Variants in PLAGL1 observed in about 807,000 individuals in gnomAD.
The protein encoded by PLAGL1 is PLAG1 like zinc finger 1.
A neutral mutation model predicts 4.6 loss-of-function variants in PLAGL1; 1 was observed. That is an observed-to-expected ratio of 0.22 (90% confidence interval 0.08 to 1.03). The LOEUF (loss-of-function observed/expected upper bound fraction) is 1.03, where lower values mean the gene tolerates loss of function less well. Ranked by LOEUF, PLAGL1 falls within the 50% of genes least tolerant of loss-of-function variation. The pLI, the probability that PLAGL1 is intolerant of heterozygous loss-of-function variation, is 0.58. For synonymous variants in PLAGL1, 240 were observed against 237.8 expected (o/e 1.01, Z -0.08); for missense variants, 464 against 570.4 (o/e 0.81, Z 1.90).
In PLAGL1 at chr6:143,949,558, G is replaced by T. The variant is rs941314117; in HGVS notation, c.-324-1098C>A. Reference sequence around the variant, plus strand: ...AATCGGCCTCTACCTGCCACTACCTGCCAGGGTAAAGCCCTGGATCACTAC... The same window carrying T: ...AATCGGCCTCTACCTGCCACTACCTTCCAGGGTAAAGCCCTGGATCACTAC... On this transcript the variant is annotated intron_variant, in intron 6 of 7. Coordinates refer to ENST00000674357, the MANE Select transcript of PLAGL1 (RefSeq NM_001317162.2). The surrounding 1 kb of genome is among the most constrained non-coding windows in gnomAD (Gnocchi z 5.3). 6.6e-6 allele frequency among the ~76,000 whole-genome samples: 1 copy of T among 152,184 alleles called. No individual in the cohort carries two copies. The highest frequency in any genetic ancestry group is 1.5e-5 in the Non-Finnish European group (1 of 68,032).
chr6:144,052,864 G>C (rs773851516), intron 1 of PLAGL1, among the ~76,000 whole-genome samples: 9 of 152,116 alleles, frequency 5.9e-5, no homozygotes, highest in Non-Finnish European at 8.8e-5. Flanking sequence ...CAGGATATAT[G>C]CAACATTGGT....
chr6:144,014,560 A>C (rs1246840341), intron 1 of PLAGL1, among the ~76,000 whole-genome samples: 1 of 152,148 alleles, frequency 6.6e-6, no homozygotes, highest in African/African-American at 2.4e-5. Context: ...ATAGACCCAC[A>C]CATAAGATCT....
In PLAGL1 at chr6:144,056,517, C is replaced by A. The variant is rs1488744645; in HGVS notation, c.-151+7951G>T. Among the ~76,000 whole-genome samples, 1 of 152,220 alleles carries A rather than the reference C, an allele frequency of 6.6e-6. No homozygotes were observed. Among genetic ancestry groups the A allele is most frequent in the African/African-American group, 2.4e-5 (1 of 41,462 alleles). ...ACCCTCTTTCACCCCTAGCCCTTGA[C>A]AGCCACTGATCTTTTTATTGCCTCC... On this transcript the variant is annotated intron_variant, in intron 1 of 3. Coordinates refer to the PLAGL1 transcript ENST00000437412. This position sits in a 1 kb window ranked among gnomAD's most constrained non-coding sequence, Gnocchi z 4.7.
rs3060705 is a variant in PLAGL1, at chr6:143,948,764, AAACAACAACAAC to A, written c.-324-316_-324-305del. Among the ~76,000 whole-genome samples, 1 of 107,184 alleles carries A rather than the reference AAACAACAACAAC, an allele frequency of 9.3e-6. No individual in the cohort carries two copies. Among genetic ancestry groups the A allele is most frequent in the East Asian group, 2.5e-4 (1 of 4,018 alleles). The allele number at this position is 107,184 out of a possible 152,430, so 70.3% of individuals were successfully genotyped here. ...GTGAAGCTCCATTGACCAAAGAGAA[AAACAACAACAAC>A]AACAACAACAACAACAAACAAAAAC... is the stretch of plus-strand genomic sequence containing the variant. On this transcript the variant is annotated intron_variant, in intron 6 of 7. Transcript: ENST00000674357. The surrounding 1 kb of genome is among the most constrained non-coding windows in gnomAD (Gnocchi z 6.0).
intron 1 of PLAGL1, among the ~76,000 whole-genome samples, chr6:144,002,846 G>A (rs1408922529): frequency 2.0e-5 from 3 of 147,060 alleles, no homozygotes; most frequent in Non-Finnish European, 4.5e-5. Context: ...AAGTTGCTCT[G>A]TAGAGTCAAT....
rs1260318330 is a variant in PLAGL1 at position 143,990,051 on chromosome 6, T to C, written c.-583-4877A>G. On this transcript the variant is annotated intron_variant, in intron 1 of 7. Transcript: ENST00000674357. The surrounding 1 kb of genome is among the most constrained non-coding windows in gnomAD (Gnocchi z 5.4). The stretch of plus-strand genomic sequence containing the variant: ...CCACCTCTCTATTCAAAATTTCTTA[T>C]ACATTATCTTCTCCCTTTTTACTAA... 6.6e-6 allele frequency among the ~76,000 whole-genome samples: 1 copy of C among 152,180 alleles called. No individual in the cohort carries two copies. The highest frequency in any genetic ancestry group is 1.5e-5 in the Non-Finnish European group (1 of 68,024).
chr6:144,005,181 A>G lies in PLAGL1; in HGVS notation c.-584+2909T>C, dbSNP rs1793896860. The G allele has an allele frequency of 6.6e-6, 1 of 152,154 alleles. No individual in the cohort carries two copies. Among genetic ancestry groups the G allele is most frequent in the African/African-American group, 2.4e-5 (1 of 41,442 alleles). The allele number at this position is 152,154 out of a possible 1,614,324, so 9.4% of individuals were successfully genotyped here. ...TTGACACGTATGCTAACTACAGTGC[A>G]AATTAGAAATCAGTAACAAAAGGAT... On this transcript the variant is annotated intron_variant, in intron 1 of 7. Coordinates refer to ENST00000674357, the MANE Select transcript of PLAGL1 (RefSeq NM_001317162.2). The surrounding 1 kb of genome is among the most constrained non-coding windows in gnomAD (Gnocchi z 4.6).
intron 6 of PLAGL1, among the ~76,000 whole-genome samples, chr6:143,951,472 A>T (rs544558828): frequency 6.6e-6 from 1 of 152,386 alleles, no homozygotes; most frequent in South Asian, 2.1e-4. Context: ...CTTTCTCAGC[A>T]GATGTAAACC....
Position 144,000,644 on chromosome 6 carries a change from A to T in PLAGL1, c.-584+7446T>A, listed in dbSNP as rs897302053. Among the ~76,000 whole-genome samples the T allele has an allele frequency of 6.6e-6, 1 of 152,136 alleles. No individual in the cohort carries two copies. Among genetic ancestry groups the T allele is most frequent in the Non-Finnish European group, 1.5e-5 (1 of 67,976 alleles). On this transcript the variant is annotated intron_variant, in intron 1 of 7. Coordinates refer to ENST00000674357, the MANE Select transcript of PLAGL1 (RefSeq NM_001317162.2). This position sits in a 1 kb window ranked among gnomAD's most constrained non-coding sequence, Gnocchi z 4.1. ...AACAGGACTTTTCAAGAAACTTCATAAACAGGTACTAAAACTCATATGGAA... is the reference window on the plus strand; with the variant it reads ...AACAGGACTTTTCAAGAAACTTCATTAACAGGTACTAAAACTCATATGGAA...
Position 144,050,726 on chromosome 6 carries a change from CA to C in PLAGL1, c.-151+13741del, listed in dbSNP as rs544749123. ...GAAACATAGTGAGACCCTGTTTCTA[CA>C]AAAAAAAATTTTTTTTTAAGTAAAT... is the stretch of plus-strand genomic sequence containing the variant. On this transcript the variant is annotated intron_variant, in intron 1 of 3. Coordinates refer to the PLAGL1 transcript ENST00000437412. The surrounding 1 kb of genome is among the most constrained non-coding windows in gnomAD (Gnocchi z 4.3). Among the ~76,000 whole-genome samples, 12 of 151,552 alleles carry C rather than the reference CA, an allele frequency of 7.9e-5. No homozygotes were observed. Among genetic ancestry groups the C allele is most frequent in the South Asian group, 2.1e-4 (1 of 4,812 alleles).
In PLAGL1 at chr6:144,016,787, C is replaced by T. The variant is rs189361757; in HGVS notation, c.-151+47681G>A. Among the ~76,000 whole-genome samples the T allele has an allele frequency of 3.6e-4, 55 of 152,276 alleles. 1 individual carries two copies. The highest frequency in any genetic ancestry group is 4.7e-4 in the Non-Finnish European group (32 of 68,024). ...TCAGTAAGTGTCATTAAATTATTTCCTTTCTTATTTGGATAGGATGAGGAG... is the reference window on the plus strand; with the variant it reads ...TCAGTAAGTGTCATTAAATTATTTCTTTTCTTATTTGGATAGGATGAGGAG... On this transcript the variant is annotated intron_variant, in intron 1 of 3. Coordinates refer to the PLAGL1 transcript ENST00000437412. This position sits in a 1 kb window ranked among gnomAD's most constrained non-coding sequence, Gnocchi z 4.2.
At position 143,964,250 on chromosome 6, in the gene PLAGL1, C is replaced by T. The variant is rs961789116; in HGVS notation, c.-399+537G>A. Reference sequence around the variant, plus strand: ...TGAGGCAGGAGGTTTCCAGCCCTCACTGGCGGCCCTGGGGCAGACAGCTAC... The same window carrying T: ...TGAGGCAGGAGGTTTCCAGCCCTCATTGGCGGCCCTGGGGCAGACAGCTAC... On this transcript the variant is annotated intron_variant, in intron 5 of 7. Coordinates refer to ENST00000674357, the MANE Select transcript of PLAGL1 (RefSeq NM_001317162.2). The surrounding 1 kb of genome is among the most constrained non-coding windows in gnomAD (Gnocchi z 4.3). 2.0e-5 allele frequency among the ~76,000 whole-genome samples: 3 copies of T among 152,166 alleles called. No individual in the cohort carries two copies. The highest frequency in any genetic ancestry group is 4.4e-5 in the Non-Finnish European group (3 of 68,036).
rs1265879401 is a variant in PLAGL1 at position 143,957,392 on chromosome 6, G to A, written c.-325+3077C>T. Among the ~76,000 whole-genome samples, 10 of 152,114 alleles carry A rather than the reference G, an allele frequency of 6.6e-5. No individual in the cohort carries two copies. The highest frequency in any genetic ancestry group is 1.2e-4 in the Non-Finnish European group (8 of 68,014). On this transcript the variant is annotated intron_variant, in intron 6 of 7. Coordinates refer to ENST00000674357, the MANE Select transcript of PLAGL1 (RefSeq NM_001317162.2). The surrounding 1 kb of genome is among the most constrained non-coding windows in gnomAD (Gnocchi z 4.2). ...TTCTAATTGTTACAGTCAGGAATGG[G>A]GATCATTCCTTTATGATAGCTGAAA... is the stretch of plus-strand genomic sequence containing the variant.
intron 2 of PLAGL1, among the ~76,000 whole-genome samples, chr6:143,974,613 G>T (rs1786100030): frequency 6.6e-6 from 1 of 152,144 alleles, no homozygotes; most frequent in Admixed American, 6.5e-5. Context: ...CAATTAATTA[G>T]GAACCTTAAA....
rs1229449270 is a variant in PLAGL1 at position 144,063,933 on chromosome 6, G to C, written c.-151+535C>G. 1.3e-5 allele frequency among the ~76,000 whole-genome samples: 2 copies of C among 152,166 alleles called. No homozygotes were observed. The highest frequency in any genetic ancestry group is 2.9e-5 in the Non-Finnish European group (2 of 68,028). Reference sequence around the variant, plus strand: ...TGCGGGGACCTCCCCGCCGCAACTCGGTCACTTTGTTCCCATTAACTCAGT... The same window carrying C: ...TGCGGGGACCTCCCCGCCGCAACTCCGTCACTTTGTTCCCATTAACTCAGT... On this transcript the variant is annotated intron_variant, in intron 1 of 3. Transcript: ENST00000437412. This position sits in a 1 kb window ranked among gnomAD's most constrained non-coding sequence, Gnocchi z 5.7.
At position 143,997,727 on chromosome 6, in the gene PLAGL1, TCTA is replaced by T. The variant is rs147945140; in HGVS notation, c.-584+10360_-584+10362del. On this transcript the variant is annotated intron_variant, in intron 1 of 7. Transcript: ENST00000674357. This position sits in a 1 kb window ranked among gnomAD's most constrained non-coding sequence, Gnocchi z 4.6. ...GCGGGGAAGGAATAGATAAAACTAA[TCTA>T]CAGTGATGGACATCAGAAGAGTGTG... Among the ~76,000 whole-genome samples the T allele has an allele frequency of 0.079, 12,078 of 151,938 alleles. 619 individuals carry two copies. Among genetic ancestry groups the T allele is most frequent in the South Asian group, 0.18 (856 of 4,800 alleles).
intron 2 of PLAGL1, among the ~76,000 whole-genome samples, chr6:143,974,909 A>ATTT (rs1786175996): frequency 6.6e-6 from 1 of 152,222 alleles, no homozygotes; most frequent in African/African-American, 2.4e-5. Context: ...TACTACTGAA[A>ATTT]GAAAGTCTTT....
rs1041717477 is a variant in PLAGL1 at position 144,034,884 on chromosome 6, G to A, written c.-151+29584C>T. Among the ~76,000 whole-genome samples the A allele has an allele frequency of 9.9e-5, 15 of 152,144 alleles. No homozygotes were observed. Among genetic ancestry groups the A allele is most frequent in the Non-Finnish European group, 1.5e-4 (10 of 68,030 alleles). On this transcript the variant is annotated intron_variant, in intron 1 of 3. Transcript: ENST00000437412. The surrounding 1 kb of genome is among the most constrained non-coding windows in gnomAD (Gnocchi z 4.7). Reference sequence around the variant, plus strand: ...ACTGAGTAGACTAATACTCCTCCCAGAGCCTGATCTAGGACTACAGCTGAA... The same window carrying A: ...ACTGAGTAGACTAATACTCCTCCCAAAGCCTGATCTAGGACTACAGCTGAA...
rs540343026 is a variant in PLAGL1, at chr6:144,014,964, GA to G, written c.-150-45987del. Among the ~76,000 whole-genome samples, 6 of 152,100 alleles carry G rather than the reference GA, an allele frequency of 3.9e-5. 1 individual carries two copies. The East Asian group carries it at 1.2e-3, about 29-fold the overall frequency. The stretch of plus-strand genomic sequence containing the variant: ...TGTGGGAACTGGTTATCTATATAGA[GA>G]AAAAAATAAACTTCTACATGCATTT... On this transcript the variant is annotated intron_variant, in intron 1 of 3. Transcript: ENST00000437412.
Sources: gnomAD v4.1 joint callset for allele counts (sites outside exome capture counted in the v4.1 genomes callset) on GRCh38, gnomAD v4.1.1 for gene constraint, Gnocchi (gnomAD v3.1) non-coding constraint, MANE v1.5 for transcripts, NCBI Gene and HGNC (gene_info 2026-07-23, HGNC 2026-07-21) for gene names.